Variants in COMMD1 observed in about 807,000 individuals in gnomAD.
COMMD1 encodes copper metabolism domain containing 1.
COMMD1 carries 10 observed loss-of-function variants against 17.2 expected under a neutral mutation model. The observed-to-expected ratio is 0.58, with a 90% CI of 0.36 to 0.99. The LOEUF (loss-of-function observed/expected upper bound fraction) is 0.99, where lower values mean the gene tolerates loss of function less well. Among genes scored for constraint, COMMD1 ranks in the 50% least tolerant of loss-of-function variants. COMMD1 has a pLI of 0.01. For synonymous variants in COMMD1, 97 were observed against 91.6 expected (o/e 1.06, Z -0.34); for missense variants, 270 against 231.8 (o/e 1.17, Z -1.07).
rs1347698889 is a variant in COMMD1 at position 62,105,138 on chromosome 2, A to AT, written c.463-30693_463-30692insT. ...AAAACTCTGTCTCAAAAAAAAAAAA[A>AT]GAAAAAGAAAAAAAAGAAAATTTTA... is the stretch of plus-strand genomic sequence containing the variant. On this transcript the variant is annotated intron_variant, in intron 2 of 2. Transcript: ENST00000311832. Among the ~76,000 whole-genome samples, 20 of 151,440 alleles carry AT rather than the reference A, an allele frequency of 1.3e-4. 1 individual carries two copies. In the East Asian group the frequency reaches 3.9e-3, roughly 29 times the overall value.
At position 62,013,753 on chromosome 2, in the gene COMMD1, C is replaced by T. The variant is rs554204928; in HGVS notation, c.462+12771C>T. On this transcript the variant is annotated intron_variant, in intron 2 of 2. Transcript: ENST00000311832. Reference sequence around the variant, plus strand: ...TAACACCTTGTTTTTTCTTGTAAGACTATGTTAGCATAATTTGGTAATTCT... The same window carrying T: ...TAACACCTTGTTTTTTCTTGTAAGATTATGTTAGCATAATTTGGTAATTCT... Among the ~76,000 whole-genome samples the T allele has an allele frequency of 1.4e-4, 22 of 152,254 alleles. No homozygotes were observed. The East Asian group carries it at 4.2e-3, about 29-fold the overall frequency.
At chr2:61,936,111 G>GT (rs1471016289) in intron 1 of COMMD1, among the ~76,000 whole-genome samples, 10 of 151,840 alleles carry the variant, frequency 6.6e-5, no homozygotes, top group African/African-American at 9.7e-5. Context: ...GCCCAGCCCA[G>GT]TTTTTTTTGT....
intron 2 of COMMD1, among the ~76,000 whole-genome samples, chr2:62,006,449 A>G (rs1474526272): frequency 1.3e-5 from 2 of 152,218 alleles, no homozygotes; most frequent in African/African-American, 2.4e-5. Context: ...TGAGGAAGCC[A>G]GAGTAATAGA....
intron 2 of COMMD1, among the ~76,000 whole-genome samples, chr2:62,044,000 A>T (rs1670307125): frequency 6.6e-6 from 1 of 152,076 alleles, no homozygotes; most frequent in African/African-American, 2.4e-5. Flanking sequence ...GGTGGGGGAG[A>T]GGGGGAATCC....
chr2:62,029,555 A>G (rs1362621205), intron 2 of COMMD1, among the ~76,000 whole-genome samples: 1 of 152,206 alleles, frequency 6.6e-6, no homozygotes, highest in Non-Finnish European at 1.5e-5. Flanking sequence ...ATTTTGAAGC[A>G]AATTCCAAAA....
At chr2:61,960,134 TAC>T (rs1558537607) in intron 1 of COMMD1, among the ~76,000 whole-genome samples, 7 of 151,908 alleles carry the variant, frequency 4.6e-5, no homozygotes, top group African/African-American at 1.7e-4. Context: ...TGTGTGTGTG[TAC>T]ACACACACTG....
chr2:61,964,290 G>C (rs1007432713), intron 1 of COMMD1, among the ~76,000 whole-genome samples: 6 of 152,032 alleles, frequency 3.9e-5, no homozygotes, highest in Admixed American at 3.9e-4. Context: ...GTGTGATCAT[G>C]GCTCACTGCA....
At chr2:62,018,028 G>A (rs770460135) in intron 2 of COMMD1, among the ~76,000 whole-genome samples, 6 of 151,564 alleles carry the variant, frequency 4.0e-5, no homozygotes, top group African/African-American at 9.7e-5. Flanking sequence ...CAGCCTGGGC[G>A]TCAGAGCATG....
chr2:62,069,088 T>A (rs1671132340), intron 2 of COMMD1, among the ~76,000 whole-genome samples: 1 of 152,246 alleles, frequency 6.6e-6, no homozygotes, highest in East Asian at 1.9e-4. Context: ...TTGCTTTGTA[T>A]AACAAAGGCA....
At chr2:61,994,948 T>C (rs932361056) in intron 1 of COMMD1, among the ~76,000 whole-genome samples, 1 of 152,092 alleles carries the variant, frequency 6.6e-6, no homozygotes, top group Non-Finnish European at 1.5e-5. Context: ...CACTAGCAGA[T>C]AGGGGCATAG....
chr2:61,917,160 C>T (rs1370515923), intron 1 of COMMD1, among the ~76,000 whole-genome samples: 1 of 151,908 alleles, frequency 6.6e-6, no homozygotes, highest in Non-Finnish European at 1.5e-5. Flanking sequence ...TTGAGACCAG[C>T]CTGGCCAACA....
intron 2 of COMMD1, among the ~76,000 whole-genome samples, chr2:62,067,023 G>C (rs1032137310): frequency 6.6e-6 from 1 of 152,084 alleles, no homozygotes; most frequent in Non-Finnish European, 1.5e-5. Context: ...ACCGTGCCCA[G>C]CCCAAATCTA....
chr2:61,998,207 A>G (rs1369135515), intron 1 of COMMD1, among the ~76,000 whole-genome samples: 1 of 151,656 alleles, frequency 6.6e-6, no homozygotes, highest in African/African-American at 2.4e-5. Flanking sequence ...CCAGACCACC[A>G]AAACCTTCTC....
In COMMD1 at chr2:61,895,895, G is replaced by A. The variant is rs1669539556; in HGVS notation, n.119+7053G>A. 2.6e-5 allele frequency among the ~76,000 whole-genome samples: 4 copies of A among 151,982 alleles called. No homozygotes were observed. In the South Asian group the frequency reaches 8.3e-4, roughly 32 times the overall value. ...TGACCAAGGTCCTAGGGGCAGTCCA[G>A]TCCACCCATGGACCAGACAGGATCC... is the stretch of plus-strand genomic sequence containing the variant. On this transcript the variant is annotated intron_variant and non_coding_transcript_variant, in intron 1 of 2. Coordinates refer to the COMMD1 transcript ENST00000472729.
At chr2:62,020,865 T>C (rs1669593739) in intron 2 of COMMD1, among the ~76,000 whole-genome samples, 1 of 152,076 alleles carries the variant, frequency 6.6e-6, no homozygotes, top group African/African-American at 2.4e-5. Context: ...TAGCCAGGCG[T>C]CATGGCGCAT....
chr2:61,932,326 G>C (rs1156907315), intron 1 of COMMD1, among the ~76,000 whole-genome samples: 2 of 152,236 alleles, frequency 1.3e-5, no homozygotes, highest in African/African-American at 4.8e-5. Context: ...GAATTGCCAA[G>C]AGATTCAGAT....
chr2:62,135,197 C>T (rs915623911), intron 2 of COMMD1, among the ~76,000 whole-genome samples: 1 of 152,124 alleles, frequency 6.6e-6, no homozygotes, highest in African/African-American at 2.4e-5. Context: ...TCAGGGTCCT[C>T]ATTTTTAAAA....
chr2:62,106,430 C>G (rs1672325827), intron 2 of COMMD1, among the ~76,000 whole-genome samples: 1 of 152,182 alleles, frequency 6.6e-6, no homozygotes, highest in Non-Finnish European at 1.5e-5. Flanking sequence ...TTGTCCTACC[C>G]TGTCATCTTA....
At chr2:61,935,820 C>T (rs956444026) in intron 1 of COMMD1, among the ~76,000 whole-genome samples, 2 of 151,638 alleles carry the variant, frequency 1.3e-5, no homozygotes, top group African/African-American at 4.8e-5. Flanking sequence ...CTTAGGTTAT[C>T]GATTTTTTTT....
Sources: allele counts gnomAD v4.1 joint callset (sites outside exome capture counted in the v4.1 genomes callset), GRCh38; gene constraint gnomAD v4.1.1; transcripts MANE v1.5; gene names NCBI Gene and HGNC (gene_info 2026-07-23, HGNC 2026-07-21).